The following NTNG1 variants were observed in gnomAD, a reference collection of about 807,000 sequenced individuals.
NTNG1 encodes netrin-G1.
Under a neutral mutation model 54.0 loss-of-function variants are expected in NTNG1, and 16 were observed. That is an observed-to-expected ratio of 0.30 (90% CI 0.20 to 0.45). The LOEUF is 0.45. NTNG1 is among the 20% of genes least tolerant of loss of function. The pLI is 1.00. For missense variants in NTNG1, 530 were observed against 678.7 expected (o/e 0.78, Z 2.43); for synonymous variants, 255 against 263.1 (o/e 0.97, Z 0.30).
At chr1:107,191,550 T>C (rs1322304282) in intron 2 of NTNG1, among the ~76,000 whole-genome samples, 1 of 152,206 alleles carries the variant, frequency 6.6e-6, no homozygotes, top group African/African-American at 2.4e-5. Context: ...CTAGGGTTTT[T>C]ATGGTTTTAG....
chr1:107,407,411 T>C (rs1336897759), intron 4 of NTNG1, among the ~76,000 whole-genome samples: 3 of 152,080 alleles, frequency 2.0e-5, no homozygotes, highest in Non-Finnish European at 4.4e-5. Context: ...TTGGACCAGA[T>C]GCCGAAATGA....
chr1:107,463,973 G>A (rs779285577), intron 7 of NTNG1, among the ~76,000 whole-genome samples: 1 of 152,094 alleles, frequency 6.6e-6, no homozygotes, highest in Non-Finnish European at 1.5e-5. Context: ...TAAAAAGGAG[G>A]CATCTAATAA....
chr1:107,196,727 G>A (rs1170872634), intron 2 of NTNG1, among the ~76,000 whole-genome samples: 3 of 151,914 alleles, frequency 2.0e-5, no homozygotes, highest in Non-Finnish European at 4.4e-5. Flanking sequence ...AATAAACTAA[G>A]TATGTTGGGT....
At chr1:107,141,323 C>A (rs1389200858) in intron 1 of NTNG1, 183 bp downstream of exon 1, 3 of 150,312 alleles carry the variant, frequency 2.0e-5, no homozygotes, top group Admixed American at 2.0e-4. Flanking sequence ...CGGGAGCTGC[C>A]GCCCTCCGCC....
At chr1:107,237,702 A>G (rs947150031) in intron 2 of NTNG1, among the ~76,000 whole-genome samples, 1 of 152,196 alleles carries the variant, frequency 6.6e-6, no homozygotes, top group African/African-American at 2.4e-5. Context: ...GTAGAGCTCA[A>G]GCAGACCATG....
At chr1:107,369,967 T>A (rs2100987378) in intron 3 of NTNG1, among the ~76,000 whole-genome samples, 1 of 152,268 alleles carries the variant, frequency 6.6e-6, no homozygotes, top group South Asian at 2.1e-4. Context: ...TTTAACAGCA[T>A]TTATGGAAAA....
At chr1:107,368,970 C>T (rs927356976) in intron 3 of NTNG1, among the ~76,000 whole-genome samples, 1 of 152,124 alleles carries the variant, frequency 6.6e-6, no homozygotes, top group Non-Finnish European at 1.5e-5. Flanking sequence ...TTTCTTCGTG[C>T]CCCAGATCAA....
At chr1:107,234,465 C>A (rs1480488322) in intron 2 of NTNG1, among the ~76,000 whole-genome samples, 4 of 151,976 alleles carry the variant, frequency 2.6e-5, no homozygotes, top group African/African-American at 9.7e-5. Context: ...CAGTGATAGT[C>A]ATTTTTCATG....
At position 107,481,272 on chromosome 1, in the gene NTNG1, A is replaced by G. The variant is rs1678698420; in HGVS notation, c.*432A>G. The G allele has an allele frequency of 5.8e-6, 1 of 172,362 alleles. No individual in the cohort carries two copies. The highest frequency in any genetic ancestry group is 1.2e-5 in the Non-Finnish European group (1 of 81,824). 10.7% of individuals were successfully genotyped at this position (172,362 alleles called of 1,614,324 possible). A position where few individuals can be genotyped will look rare whatever the true frequency, so the allele number is the denominator to read the frequency against. ...TTGCTGTCAGGTGCATTGTGGGCAT[A>G]AGGAAATCTGTTACAAGCTGCCATA... On this transcript the variant is annotated 3_prime_UTR_variant, in exon 8 of 8. Transcript: ENST00000370068.
chr1:107,440,769 G>A (rs1675916270), intron 7 of NTNG1, among the ~76,000 whole-genome samples: 2 of 152,014 alleles, frequency 1.3e-5, no homozygotes, highest in African/African-American at 4.8e-5. Flanking sequence ...GCAATTATGG[G>A]GTTTGAGCTG....
At chr1:107,416,760 T>C (rs1291724723) in intron 5 of NTNG1, among the ~76,000 whole-genome samples, 1 of 152,088 alleles carries the variant, frequency 6.6e-6, no homozygotes, top group Non-Finnish European at 1.5e-5. Context: ...ATCATACCAG[T>C]ACTTGCATTT....
chr1:107,460,318 C>A, intron 7 of NTNG1: 1 of 506,272 alleles, frequency 2.0e-6, no homozygotes, highest in South Asian at 1.5e-5. Context: ...ACCATGACAT[C>A]GCTCCTCTGC....
At chr1:107,352,755 C>T (rs1257200370) in intron 3 of NTNG1, among the ~76,000 whole-genome samples, 1 of 152,228 alleles carries the variant, frequency 6.6e-6, no homozygotes, top group Non-Finnish European at 1.5e-5. Flanking sequence ...TTCTTACACA[C>T]TCTCTTTGTA....
At chr1:107,278,340 G>A (rs1460589518) in intron 2 of NTNG1, among the ~76,000 whole-genome samples, 2 of 152,030 alleles carry the variant, frequency 1.3e-5, no homozygotes, top group Non-Finnish European at 2.9e-5. Context: ...ACTCTACTAG[G>A]TACTCTCTTA....
intron 6 of NTNG1, among the ~76,000 whole-genome samples, chr1:107,432,392 A>G (rs1255798121): frequency 6.6e-6 from 1 of 152,218 alleles, no homozygotes; most frequent in Non-Finnish European, 1.5e-5. Flanking sequence ...TCTGACTTCA[A>G]AGCTTAAACA....
chr1:107,316,690 A>T (rs972396847), intron 2 of NTNG1, among the ~76,000 whole-genome samples: 4 of 152,138 alleles, frequency 2.6e-5, no homozygotes, highest in Non-Finnish European at 5.9e-5. Flanking sequence ...GTTGTTGATG[A>T]CTCAGTTTAC....
At chr1:107,204,383 C>G (rs1362941692) in intron 2 of NTNG1, among the ~76,000 whole-genome samples, 1 of 152,094 alleles carries the variant, frequency 6.6e-6, no homozygotes, top group Non-Finnish European at 1.5e-5. Context: ...TACTTCTTAT[C>G]TCTTGTATCA....
At chr1:107,469,532 G>T (rs868371984) in intron 7 of NTNG1, among the ~76,000 whole-genome samples, 5 of 151,680 alleles carry the variant, frequency 3.3e-5, no homozygotes, top group Non-Finnish European at 7.4e-5. Context: ...TCCCAGGCTG[G>T]AGTGCAGTGG....
chr1:107,454,793 T>A lies in NTNG1; in HGVS notation c.1390+17994T>A, dbSNP rs146798716. Among the ~76,000 whole-genome samples the A allele has an allele frequency of 4.1e-3, 632 of 152,294 alleles. 5 individuals are homozygous for A. The highest frequency in any genetic ancestry group is 0.015 in the African/African-American group (605 of 41,578). On this transcript the variant is annotated intron_variant, in intron 7 of 7. Coordinates refer to ENST00000370068, the MANE Select transcript of NTNG1 (RefSeq NM_001113226.3). Reference sequence around the variant, plus strand: ...ATCATTTTATCTGATCTTTGCAATATCCCTATAATAGAAGATACCATTTTT... The same window carrying A: ...ATCATTTTATCTGATCTTTGCAATAACCCTATAATAGAAGATACCATTTTT...
Sources: allele counts gnomAD v4.1 joint callset (sites outside exome capture counted in the v4.1 genomes callset), GRCh38; gene constraint gnomAD v4.1.1; transcripts MANE v1.5; gene names NCBI Gene and HGNC (gene_info 2026-07-23, HGNC 2026-07-21).